LARGE1: variants seen among roughly 807,000 people sequenced by gnomAD.
LARGE1 encodes LARGE xylosyl- and glucuronyltransferase 1.
LARGE1 carries 43 observed loss-of-function variants against 87.6 expected under a neutral mutation model. That is an observed-to-expected ratio of 0.49 (90% confidence interval 0.38 to 0.63). The LOEUF (loss-of-function observed/expected upper bound fraction) is 0.63, where lower values mean the gene tolerates loss of function less well. LARGE1 is among the 30% of genes least tolerant of loss of function. The pLI is 0.00. For missense variants in LARGE1, 802 were observed against 1,000.2 expected, an observed-to-expected ratio of 0.80 and a Z score of 2.67; for synonymous variants, 434 against 394.6, an observed-to-expected ratio of 1.10 and a Z score of -1.18.
chr22:33,804,738 C>A (rs949709256), intron 1 of LARGE1, among the ~76,000 whole-genome samples: 7 of 152,182 alleles, frequency 4.6e-5, no homozygotes, highest in Admixed American at 1.3e-4. Context: ...AACTAGCCCC[C>A]AATGTCCCCA....
At chr22:33,453,901 G>C (rs535756129) in intron 6 of LARGE1, among the ~76,000 whole-genome samples, 5 of 151,890 alleles carry the variant, frequency 3.3e-5, no homozygotes, top group African/African-American at 1.2e-4. Context: ...TTATTTGAAT[G>C]TCTAATCAAT....
intron 6 of LARGE1, among the ~76,000 whole-genome samples, chr22:33,537,734 A>AT (rs1264867402): frequency 6.6e-6 from 1 of 151,114 alleles, no homozygotes; most frequent in Non-Finnish European, 1.5e-5. Context: ...GCCCAGCAAA[A>AT]TTTTTTTTTG....
chr22:33,303,808 AG>A (rs35955838), intron 12 of LARGE1, among the ~76,000 whole-genome samples: 41 of 146,624 alleles, frequency 2.8e-4, no homozygotes, highest in Admixed American at 1.0e-3. Flanking sequence ...TATTTTTAGT[AG>A]GGGGGGGGTT....
chr22:33,578,058 C>T (rs2078403538), intron 5 of LARGE1, among the ~76,000 whole-genome samples: 1 of 152,156 alleles, frequency 6.6e-6, no homozygotes, highest in South Asian at 2.1e-4. Context: ...TTAACCTTGA[C>T]CTTCAAGCCC....
intron 3 of LARGE1, among the ~76,000 whole-genome samples, chr22:33,639,144 A>G (rs2080356115): frequency 6.6e-6 from 1 of 152,196 alleles, no homozygotes; most frequent in African/African-American, 2.4e-5. Context: ...TAAAGCCTTT[A>G]GCTGCCATGT....
At chr22:33,670,550 A>G (rs1416527257) in intron 2 of LARGE1, among the ~76,000 whole-genome samples, 1 of 152,086 alleles carries the variant, frequency 6.6e-6, no homozygotes, top group East Asian at 1.9e-4. Context: ...GATACTTTAA[A>G]ACTTCTAGAG....
intron 11 of LARGE1, among the ~76,000 whole-genome samples, chr22:33,195,749 C>CTTT (rs201916623): frequency 5.6e-5 from 5 of 89,692 alleles, no homozygotes; most frequent in Non-Finnish European, 9.3e-5. Flanking sequence ...TTTCTTTTTT[C>CTTT]TTTTTTCTTT....
intron 1 of LARGE1, among the ~76,000 whole-genome samples, chr22:33,916,413 T>G (rs2267319): frequency 0.065 from 9,904 of 152,294 alleles, 434 homozygotes; most frequent in East Asian, 0.13. Flanking sequence ...GTAGATGGTC[T>G]ATTATTATTT....
chr22:33,422,634 C>T (rs924695863), intron 7 of LARGE1, among the ~76,000 whole-genome samples: 4 of 152,116 alleles, frequency 2.6e-5, no homozygotes, highest in East Asian at 1.9e-4. Flanking sequence ...CTCCACCTTC[C>T]GAGTGGTTGG....
the LARGE1 span, among the ~76,000 whole-genome samples, chr22:33,071,243 G>C: frequency 6.6e-6 from 1 of 152,158 alleles, no homozygotes; most frequent in African/African-American, 2.4e-5. Flanking sequence ...GGATTCTACA[G>C]ACCCCACTTT....
intron 6 of LARGE1, among the ~76,000 whole-genome samples, chr22:33,560,041 T>C (rs1027829698): frequency 3.3e-5 from 5 of 152,136 alleles, no homozygotes; most frequent in Non-Finnish European, 7.3e-5. Flanking sequence ...TTACTCCTCT[T>C]CAAGGGAAAG....
In LARGE1 at chr22:33,482,199, T is replaced by C. The variant is rs148737195; in HGVS notation, c.788-49934A>G. Among the ~76,000 whole-genome samples the C allele has an allele frequency of 8.7e-4, 133 of 152,312 alleles. 3 individuals are homozygous for C. The highest frequency in any genetic ancestry group is 2.8e-3 in the African/African-American group (115 of 41,560). ...AAAAGCAGGAGTCTTGGAAGTTGAC[T>C]TGCAAGAAAGGTCATAACCTAGAAA... is the stretch of plus-strand genomic sequence containing the variant. On this transcript the variant is annotated intron_variant, in intron 6 of 14. Transcript: ENST00000397394.
chr22:33,515,376 T>C (rs2071255603), intron 6 of LARGE1, among the ~76,000 whole-genome samples: 1 of 152,088 alleles, frequency 6.6e-6, no homozygotes, highest in Non-Finnish European at 1.5e-5. Context: ...AAACTGTTCA[T>C]CCCTGCAGAC....
chr22:33,083,156 T>C, the LARGE1 span, among the ~76,000 whole-genome samples: 1 of 152,248 alleles, frequency 6.6e-6, no homozygotes, highest in African/African-American at 2.4e-5. Context: ...GGCTTAGAGA[T>C]GTGAATTACT....
At chr22:33,817,398 G>C (rs1038872963) in intron 1 of LARGE1, among the ~76,000 whole-genome samples, 1 of 152,076 alleles carries the variant, frequency 6.6e-6, no homozygotes, top group Non-Finnish European at 1.5e-5. Flanking sequence ...AGTCAGTACT[G>C]CCACCCCATT....
chr22:33,825,354 A>T (rs1033702236), intron 1 of LARGE1, among the ~76,000 whole-genome samples: 7 of 150,436 alleles, frequency 4.7e-5, no homozygotes, highest in African/African-American at 1.8e-4. Flanking sequence ...TTTATAAATT[A>T]TAATAAAAGA....
intron 2 of LARGE1, among the ~76,000 whole-genome samples, chr22:33,701,258 C>T (rs572331270): frequency 8.7e-4 from 132 of 152,054 alleles, no homozygotes; most frequent in Non-Finnish European, 1.4e-3. Context: ...TTCAGAAGAA[C>T]GGCAACAGAT....
At chr22:33,439,129 G>A (rs1406384455) in intron 6 of LARGE1, among the ~76,000 whole-genome samples, 3 of 151,462 alleles carry the variant, frequency 2.0e-5, no homozygotes, top group African/African-American at 4.9e-5. Flanking sequence ...CATGAGAATC[G>A]CTTGAACTTG....
intron 11 of LARGE1, among the ~76,000 whole-genome samples, chr22:33,215,414 G>A (rs927295566): frequency 6.6e-6 from 1 of 151,998 alleles, no homozygotes; most frequent in Non-Finnish European, 1.5e-5. Flanking sequence ...TTTTCCTATA[G>A]GGATGTTTAT....
Sources: gnomAD v4.1 joint callset for allele counts (sites outside exome capture counted in the v4.1 genomes callset) on GRCh38, gnomAD v4.1.1 for gene constraint, MANE v1.5 for transcripts, NCBI Gene and HGNC (gene_info 2026-07-23, HGNC 2026-07-21) for gene names.